Variants in DLGAP2 observed in about 807,000 individuals in gnomAD.
DLGAP2 encodes the protein disks large-associated protein 2.
Under a neutral mutation model 100.3 loss-of-function variants are expected in DLGAP2, and 26 were observed. The observed-to-expected ratio is 0.26, with a 90% confidence interval of 0.19 to 0.36. The LOEUF is 0.36. Ranked by LOEUF, DLGAP2 falls within the 10% of genes least tolerant of loss-of-function variation. The pLI is 1.00. For missense variants in DLGAP2, 1,858 were observed against 1,453.2 expected (o/e 1.28, Z -4.53); for synonymous variants, 886 against 630.1 (o/e 1.41, Z -6.08).
intron 2 of DLGAP2, among the ~76,000 whole-genome samples, chr8:1,243,531 C>T (rs569838893): frequency 8.5e-5 from 13 of 152,248 alleles, no homozygotes; most frequent in South Asian, 4.1e-4. Flanking sequence ...ATGTTATTCT[C>T]GTTTCCTCTT....
At chr8:1,527,673 G>C (rs148875075) in intron 4 of DLGAP2, among the ~76,000 whole-genome samples, 3 of 152,294 alleles carry the variant, frequency 2.0e-5, no homozygotes, top group Admixed American at 1.3e-4. Flanking sequence ...GAAATATTCA[G>C]AATGTAAAAC....
chr8:767,989 A>G (rs551237260), intron 1 of DLGAP2, among the ~76,000 whole-genome samples: 1 of 152,316 alleles, frequency 6.6e-6, no homozygotes, highest in East Asian at 1.9e-4. Context: ...CAGAAAAGCA[A>G]CACTTCTCTG....
intron 2 of DLGAP2, among the ~76,000 whole-genome samples, chr8:960,389 C>G (rs1799698715): frequency 1.3e-5 from 2 of 151,798 alleles, no homozygotes; most frequent in East Asian, 1.9e-4. Context: ...GCAGGCACCA[C>G]CACGCCAGCT....
intron 6 of DLGAP2, among the ~76,000 whole-genome samples, chr8:1,591,389 T>C (rs1796285979): frequency 6.6e-6 from 1 of 152,166 alleles, no homozygotes; most frequent in African/African-American, 2.4e-5. Flanking sequence ...GAAAGGGCCC[T>C]CCTGGTCTCT....
intron 2 of DLGAP2, among the ~76,000 whole-genome samples, chr8:1,068,373 C>T (rs980429898): frequency 4.6e-5 from 7 of 152,184 alleles, no homozygotes; most frequent in African/African-American, 1.7e-4. Flanking sequence ...TGTAAGAAAC[C>T]ACCAAAATGT....
chr8:909,453 A>C (rs1489100889), intron 2 of DLGAP2, among the ~76,000 whole-genome samples: 1 of 151,640 alleles, frequency 6.6e-6, no homozygotes, highest in Non-Finnish European at 1.5e-5. Flanking sequence ...ATGGAAATGA[A>C]TTTTCCTTGT....
At chr8:1,287,577 G>C (rs1461452002) in intron 3 of DLGAP2, among the ~76,000 whole-genome samples, 3 of 122,780 alleles carry the variant, frequency 2.4e-5, no homozygotes, top group South Asian at 2.8e-4. Flanking sequence ...AGGGGAACTA[G>C]TTTTGGTTCA....
In DLGAP2 at chr8:1,203,392, G is replaced by A. The variant is rs530161377; in HGVS notation, c.74-55459G>A. ...TGGCGTGTCCTTCGGTGACGAGGCC[G>A]CCCACCCTTCGGTGTTAGAACCCAT... On this transcript the variant is annotated intron_variant, in intron 2 of 14. Coordinates refer to ENST00000637795, the MANE Select transcript of DLGAP2 (RefSeq NM_001346810.2). 9.4e-4 allele frequency among the ~76,000 whole-genome samples: 142 copies of A among 151,530 alleles called. 29 individuals carry two copies. Among genetic ancestry groups the A allele is most frequent in the Admixed American group, 2.4e-3 (36 of 15,224 alleles).
chr8:1,225,206 C>A (rs954139999), intron 2 of DLGAP2, among the ~76,000 whole-genome samples: 8 of 152,200 alleles, frequency 5.3e-5, no homozygotes, highest in Admixed American at 2.0e-4. Flanking sequence ...GATGGATAAG[C>A]ACATGCCATA....
chr8:778,793 T>G (rs1286754684), intron 1 of DLGAP2, among the ~76,000 whole-genome samples: 2 of 152,178 alleles, frequency 1.3e-5, no homozygotes, highest in Non-Finnish European at 1.5e-5. Flanking sequence ...GCTGTCTTTT[T>G]GTTTGTTTGT....
At chr8:917,494 T>C (rs982720939) in intron 2 of DLGAP2, among the ~76,000 whole-genome samples, 1 of 152,170 alleles carries the variant, frequency 6.6e-6, no homozygotes, top group African/African-American at 2.4e-5. Flanking sequence ...TGCCTTGGCC[T>C]CCCAAAGTGC....
At chr8:985,470 C>T (rs987363723) in intron 2 of DLGAP2, among the ~76,000 whole-genome samples, 23 of 152,224 alleles carry the variant, frequency 1.5e-4, no homozygotes, top group Non-Finnish European at 1.0e-4. Context: ...CCAGCACATC[C>T]GTAGTCTCAA....
At chr8:1,651,349 T>C (rs1205077111) in intron 8 of DLGAP2, among the ~76,000 whole-genome samples, 1 of 152,110 alleles carries the variant, frequency 6.6e-6, no homozygotes, top group Non-Finnish European at 1.5e-5. Context: ...CATGGTCACG[T>C]CCACTTGGAA....
chr8:1,637,084 T>A (rs1440353360), intron 8 of DLGAP2, among the ~76,000 whole-genome samples: 1 of 152,170 alleles, frequency 6.6e-6, no homozygotes, highest in African/African-American at 2.4e-5. Context: ...AGGCAGGATG[T>A]CTCTGCAGAC....
chr8:1,618,030 G>A (rs930117330), intron 6 of DLGAP2, among the ~76,000 whole-genome samples: 10 of 152,146 alleles, frequency 6.6e-5, no homozygotes, highest in Non-Finnish European at 7.3e-5. Flanking sequence ...AACTCCCTCC[G>A]TAAGATGAGA....
chr8:1,238,550 G>A (rs189623470), intron 2 of DLGAP2, among the ~76,000 whole-genome samples: 1,949 of 82,378 alleles, frequency 0.024, 120 homozygotes, highest in African/African-American at 0.033. Context: ...CTCACATGGT[G>A]CCGTGTCTAG....
chr8:896,965 T>C (rs937987011), intron 1 of DLGAP2, among the ~76,000 whole-genome samples: 5 of 152,130 alleles, frequency 3.3e-5, no homozygotes, highest in African/African-American at 1.2e-4. Context: ...AGGGGTGAAG[T>C]CGCCCCAAGT....
At chr8:896,499 CAT>C (rs1346263308) in intron 1 of DLGAP2, among the ~76,000 whole-genome samples, 1 of 152,096 alleles carries the variant, frequency 6.6e-6, no homozygotes, top group East Asian at 1.9e-4. Flanking sequence ...TAAATGGTGC[CAT>C]GGACTGAACA....
In DLGAP2 at chr8:1,668,503, A is replaced by C. The variant is rs527573861; in HGVS notation, c.1985A>C (p.Asn662Thr). The change falls in exon 9 of 15, where the codon AAC becomes ACC. Residue 662 changes from asparagine to threonine, a missense_variant. Coordinates refer to ENST00000637795, the MANE Select transcript of DLGAP2 (RefSeq NM_001346810.2). ...CCCCAGGACAGCCGCGGCCTCTACA[A>C]CTCCACGGACAGCCTGGACAGCAAC... The part of the protein sequence containing the change: ...PWPQDSRGLY[N>T]STDSLDSNKA... 3 of 1,592,374 alleles carry C rather than the reference A, an allele frequency of 1.9e-6. No individual in the cohort carries two copies.
Sources: gnomAD v4.1 joint callset for allele counts (sites outside exome capture counted in the v4.1 genomes callset) on GRCh38, gnomAD v4.1.1 for gene constraint, MANE v1.5 for transcripts, NCBI Gene and HGNC (gene_info 2026-07-23, HGNC 2026-07-21) for gene names.